Variants in KCNIP3 observed in about 807,000 individuals in gnomAD.
KCNIP3 encodes potassium voltage-gated channel interacting protein 3.
Under a neutral mutation model 35.0 loss-of-function variants are expected in KCNIP3, and 28 were observed. The observed-to-expected ratio is 0.80, with a 90% confidence interval of 0.59 to 1.10. The LOEUF is 1.10. Among genes scored for constraint, KCNIP3 ranks in the 50% least tolerant of loss-of-function variants. The pLI, the probability that KCNIP3 is intolerant of heterozygous loss-of-function variation, is 0.00. For synonymous variants in KCNIP3, 134 were observed against 133.8 expected (o/e 1.00, Z -0.01); for missense variants, 295 against 338.4 (o/e 0.87, Z 1.01).
chr2:95,324,125 G>T (rs1293182308), intron 2 of KCNIP3, among the ~76,000 whole-genome samples: 3 of 152,270 alleles, frequency 2.0e-5, no homozygotes, highest in Non-Finnish European at 4.4e-5. Context: ...GGAGAGATGG[G>T]CGCTGGGCTG....
intron 1 of KCNIP3, among the ~76,000 whole-genome samples, chr2:95,307,698 C>A (rs1444950456): frequency 1.3e-5 from 2 of 152,186 alleles, no homozygotes; most frequent in African/African-American, 2.4e-5. Flanking sequence ...TGTGACTAAC[C>A]CTGGGCCCCG....
chr2:95,384,038 A>C lies in KCNIP3; in HGVS notation c.760A>C (p.Asn254His). ...NIMSSMQLFENVI is the reference protein window; with the variant it reads ...NIMSSMQLFEHVI ...CATGAGCTCCATGCAGCTGTTTGAG[A>C]ATGTCATCTAGGACACGTCCAAAGG... The change falls in exon 9 of 9, where the codon AAT (asparagine) becomes CAT (histidine). Residue 254 changes from asparagine (N) to histidine (H), a missense_variant. Coordinates refer to ENST00000295225, the MANE Select transcript of KCNIP3 (RefSeq NM_013434.5). 1 of 1,613,924 alleles carries C rather than the reference A, an allele frequency of 6.2e-7. No homozygotes were observed. The highest frequency in any genetic ancestry group is 8.5e-7 in the Non-Finnish European group (1 of 1,179,958).
intron 6 of KCNIP3, 116 bp downstream of exon 6, chr2:95,381,819 C>G (rs1558780888): frequency 1.3e-6 from 1 of 746,390 alleles, no homozygotes; most frequent in African/African-American, 1.7e-5. Context: ...CGCTGTCCAT[C>G]CAGAGACTGG....
chr2:95,367,583 A>G (rs977237803), intron 2 of KCNIP3, among the ~76,000 whole-genome samples: 7 of 152,196 alleles, frequency 4.6e-5, no homozygotes, highest in Non-Finnish European at 1.0e-4. Flanking sequence ...TACGGATTAT[A>G]TACATGTTTT....
intron 1 of KCNIP3, among the ~76,000 whole-genome samples, chr2:95,307,201 C>T (rs1159204762): frequency 3.3e-5 from 5 of 152,242 alleles, no homozygotes; most frequent in Admixed American, 6.5e-5. Flanking sequence ...CACCACTCCA[C>T]CCAGACTCTC....
intron 2 of KCNIP3, among the ~76,000 whole-genome samples, chr2:95,331,492 T>C (rs1319488009): frequency 6.6e-6 from 1 of 151,504 alleles, no homozygotes; most frequent in African/African-American, 2.4e-5. Context: ...CATTTGGGGG[T>C]CATCAGCACA....
chr2:95,310,561 G>A (rs1349457105), intron 2 of KCNIP3, 41 bp downstream of exon 2: 1 of 1,523,280 alleles, frequency 6.6e-7, no homozygotes, highest in Admixed American at 1.7e-5. Context: ...TGGGGGTGGG[G>A]AGATCTGTTC....
At chr2:95,342,914 C>G (rs568190487) in intron 2 of KCNIP3, among the ~76,000 whole-genome samples, 2 of 152,344 alleles carry the variant, frequency 1.3e-5, no homozygotes, top group South Asian at 4.1e-4. Context: ...ACCAGCCACA[C>G]AGGCAAACAT....
chr2:95,346,195 C>G (rs1447710702), intron 2 of KCNIP3, among the ~76,000 whole-genome samples: 3 of 152,158 alleles, frequency 2.0e-5, no homozygotes, highest in Admixed American at 2.0e-4. Context: ...GCGGGAAATG[C>G]GCCGGGGAGT....
chr2:95,342,644 C>A (rs1252917589), intron 2 of KCNIP3, among the ~76,000 whole-genome samples: 1 of 152,178 alleles, frequency 6.6e-6, no homozygotes, highest in Non-Finnish European at 1.5e-5. Context: ...TGTGTTTTCT[C>A]CTGAGGTGAC....
At chr2:95,373,014 C>T (rs1680075382) in intron 2 of KCNIP3, among the ~76,000 whole-genome samples, 1 of 152,158 alleles carries the variant, frequency 6.6e-6, no homozygotes, top group African/African-American at 2.4e-5. Flanking sequence ...ATGCCAGGCA[C>T]CACGGGCACA....
intron 2 of KCNIP3, among the ~76,000 whole-genome samples, chr2:95,324,508 G>A (rs944766872): frequency 3.4e-4 from 26 of 75,538 alleles, no homozygotes; most frequent in Non-Finnish European, 5.9e-4. Context: ...GCGAGACTCC[G>A]TCTCAAAATA....
chr2:95,360,725 G>A (rs1573512277), intron 2 of KCNIP3, among the ~76,000 whole-genome samples: 2 of 152,278 alleles, frequency 1.3e-5, no homozygotes, highest in South Asian at 2.1e-4. Flanking sequence ...ATTCCATGGC[G>A]AAGAACAGAC....
At chr2:95,318,308 C>T (rs1165578519) in intron 2 of KCNIP3, among the ~76,000 whole-genome samples, 1 of 152,186 alleles carries the variant, frequency 6.6e-6, no homozygotes, top group Non-Finnish European at 1.5e-5. Context: ...CACACTGACT[C>T]GACCGCCCAG....
At chr2:95,366,530 A>G (rs1679921062) in intron 2 of KCNIP3, among the ~76,000 whole-genome samples, 1 of 152,098 alleles carries the variant, frequency 6.6e-6, no homozygotes, top group Non-Finnish European at 1.5e-5. Context: ...CTTTCATTTC[A>G]TTTGGGTAAA....
intron 2 of KCNIP3, among the ~76,000 whole-genome samples, chr2:95,335,242 G>T (rs1382255859): frequency 3.9e-5 from 6 of 152,232 alleles, no homozygotes; most frequent in African/African-American, 1.2e-4. Context: ...TACCTGTTCA[G>T]TACTTCTTGT....
chr2:95,356,018 A>G (rs1679649794), intron 2 of KCNIP3, among the ~76,000 whole-genome samples: 1 of 152,140 alleles, frequency 6.6e-6, no homozygotes, highest in Admixed American at 6.5e-5. Flanking sequence ...TGGTTTCCTG[A>G]CTTTTTAATG....
At chr2:95,322,276 C>A (rs989882132) in intron 2 of KCNIP3, among the ~76,000 whole-genome samples, 1 of 152,122 alleles carries the variant, frequency 6.6e-6, no homozygotes, top group African/African-American at 2.4e-5. Flanking sequence ...ATGGGCAGAT[C>A]GCTTGAACCC....
intron 2 of KCNIP3, among the ~76,000 whole-genome samples, chr2:95,333,978 G>A (rs74770480): frequency 2.6e-4 from 39 of 152,334 alleles, no homozygotes; most frequent in African/African-American, 8.9e-4. Context: ...AGAAGACACT[G>A]CAGAAGCTGA....
Sources: gnomAD v4.1 joint callset for allele counts (sites outside exome capture counted in the v4.1 genomes callset) on GRCh38, gnomAD v4.1.1 for gene constraint, MANE v1.5 for transcripts, NCBI Gene and HGNC (gene_info 2026-07-23, HGNC 2026-07-21) for gene names.